THAP6: variants seen among roughly 807,000 people sequenced by gnomAD.
THAP6 encodes THAP domain containing 6.
In THAP6, 13 loss-of-function variants were observed where a neutral mutation model predicts 20.0. The ratio of observed to expected loss-of-function variants is 0.65; its 90% CI spans 0.42 to 1.03. THAP6 has a LOEUF of 1.03. THAP6 is among the 50% of genes least tolerant of loss of function. The pLI is 0.00. For missense variants in THAP6, 262 were observed against 261.6 expected (o/e 1.00, Z -0.01); for synonymous variants, 93 against 92.2 (o/e 1.01, Z -0.05).
In THAP6 at chr4:75,529,787, A is replaced by G. The variant is rs1279579890; in HGVS notation, c.*2573A>G. ...AATACAACAGTTCAACCTCAGCACC[A>G]AGTCAGGTACGAAGCGCTTGATACG... is the stretch of plus-strand genomic sequence containing the variant. On this transcript the variant is annotated 3_prime_UTR_variant, in exon 5 of 5. Transcript: ENST00000311638. 1 of 985,290 alleles carries G rather than the reference A, an allele frequency of 1.0e-6. No individual in the cohort carries two copies. The highest frequency in any genetic ancestry group is 1.2e-6 in the Non-Finnish European group (1 of 829,942). 61.0% of individuals were successfully genotyped at this position (985,290 alleles called of 1,614,324 possible). A position where few individuals can be genotyped will look rare whatever the true frequency, so the allele number is the denominator to read the frequency against.
downstream of THAP6, among the ~76,000 whole-genome samples, chr4:75,530,805 A>G (rs1726657165): frequency 6.6e-6 from 1 of 152,226 alleles, no homozygotes; most frequent in African/African-American, 2.4e-5. Flanking sequence ...CATCATGCAT[A>G]GCAGCTGTAA....
At chr4:75,515,568 C>T (rs1725531771) in intron 2 of THAP6, 36 bp downstream of exon 2, 6 of 1,596,336 alleles carry the variant, frequency 3.8e-6, no homozygotes, top group Non-Finnish European at 4.3e-6. Flanking sequence ...AATACTTTGG[C>T]CATGTTATAA....
chr4:75,533,263 C>G (rs140202197), downstream of THAP6, among the ~76,000 whole-genome samples: 5,525 of 152,252 alleles, frequency 0.036, 352 homozygotes, highest in African/African-American at 0.13. Flanking sequence ...CTGCCAGTTT[C>G]TTTACTAAAA....
chr4:75,526,400 C>T (rs1726370438), intron 4 of THAP6, among the ~76,000 whole-genome samples: 1 of 151,772 alleles, frequency 6.6e-6, no homozygotes, highest in South Asian at 2.1e-4. Flanking sequence ...TGTTATTTTC[C>T]CTATTCTCAA....
rs1726445342 is a variant in THAP6, at chr4:75,527,330, A to G, written c.*116A>G. 6.7e-7 allele frequency: 1 copy of G among 1,502,524 alleles called. No homozygotes were observed. Among genetic ancestry groups the G allele is most frequent in the Non-Finnish European group, 8.9e-7 (1 of 1,128,350 alleles). The allele number at this position is 1,502,524 out of a possible 1,614,324, so 93.1% of individuals were successfully genotyped here. Reference sequence around the variant, plus strand: ...TAAAGTGCTGCTTTGGATTCTCTGGAGCATTATGCATTATAGTTGTTATCC... The same window carrying G: ...TAAAGTGCTGCTTTGGATTCTCTGGGGCATTATGCATTATAGTTGTTATCC... On this transcript the variant is annotated 3_prime_UTR_variant, in exon 5 of 5. Transcript: ENST00000311638.
At chr4:75,530,676 G>T (rs766041089), downstream of THAP6, among the ~76,000 whole-genome samples, 6 of 152,160 alleles carry the variant, frequency 3.9e-5, no homozygotes, top group East Asian at 1.9e-4. Context: ...GTATACTGTG[G>T]TTTTTTCCAT....
intron 4 of THAP6, 190 bp downstream of exon 4, chr4:75,522,051 G>T: frequency 1.7e-6 from 1 of 601,482 alleles, no homozygotes. Context: ...TTAATCCTTT[G>T]GTTACATATG....
intron 2 of THAP6, among the ~76,000 whole-genome samples, chr4:75,537,555 C>G (rs980816358): frequency 6.6e-6 from 1 of 152,084 alleles, no homozygotes; most frequent in Admixed American, 6.6e-5. Flanking sequence ...AGGCCTCCCC[C>G]GCCACGTGGA....
At position 75,529,919 on chromosome 4, in the gene THAP6, T is replaced by C. The variant is rs1257542343; in HGVS notation, c.*2705T>C. On this transcript the variant is annotated 3_prime_UTR_variant, in exon 5 of 5. Transcript: ENST00000311638. ...GTAATTTGAGAAAAGGTGAAATGTA[T>C]TTAATATATATTTAGTTTTAATAAA... 1 of 899,956 alleles carries C rather than the reference T, an allele frequency of 1.1e-6. No homozygotes were observed. The highest frequency in any genetic ancestry group is 1.3e-6 in the Non-Finnish European group (1 of 752,286). The allele number at this position is 899,956 out of a possible 1,614,324, so 55.7% of individuals were successfully genotyped here.
rs115254711 is a variant in THAP6, at chr4:75,546,779, G to T, written c.244-2826G>T. Among the ~76,000 whole-genome samples the T allele has an allele frequency of 9.9e-3, 1,506 of 152,230 alleles. 22 individuals are homozygous for T. The highest frequency in any genetic ancestry group is 0.035 in the African/African-American group (1,451 of 41,526). ...TCTTACTCAGGGAAGCTCAGTCTTT[G>T]ATTCCATTCCAGCCTTCAGTTGATC... is the stretch of plus-strand genomic sequence containing the variant. On this transcript the variant is annotated intron_variant, in intron 3 of 4. Coordinates refer to the THAP6 transcript ENST00000502620.
rs769541903 is a variant in THAP6, at chr4:75,521,789, A to G, written c.342A>G (p.Pro114=). 25 of 1,613,390 alleles carry G rather than the reference A, an allele frequency of 1.5e-5. No homozygotes were observed. Among genetic ancestry groups the G allele is most frequent in the Non-Finnish European group, 2.0e-5 (24 of 1,179,612 alleles). The change falls in exon 4 of 5, where the codon CCA becomes CCG. Residue 114 remains proline (P), a synonymous_variant. Transcript: ENST00000311638. ...CRKNFTLKTV[P]ATNYNHHLVG... The stretch of plus-strand genomic sequence containing the variant: ...AAAACTTCACCCTCAAAACCGTTCC[A>G]GCCACTAACTACAATCACCATCTTG...
chr4:75,517,016 CTTT>C (rs34218401), intron 3 of THAP6, 37 bp downstream of exon 3: 8,237 of 887,102 alleles, frequency 9.3e-3, no homozygotes, highest in South Asian at 0.012. Flanking sequence ...TCATTGCTCA[CTTT>C]TTTTTTTTTT....
At chr4:75,530,309 C>T (rs1255041191), downstream of THAP6, among the ~76,000 whole-genome samples, 2 of 152,130 alleles carry the variant, frequency 1.3e-5, no homozygotes, top group African/African-American at 4.8e-5. Context: ...GCCTTTAGAA[C>T]CCAAAGAGGC....
At position 75,516,768 on chromosome 4, in the gene THAP6, C is replaced by T. The variant is rs1425062051; in HGVS notation, c.81-4C>T. On this transcript the variant is annotated splice_polypyrimidine_tract_variant and splice_region_variant and intron_variant, in intron 2 of 4. Coordinates refer to ENST00000311638, the MANE Select transcript of THAP6 (RefSeq NM_144721.6). ...TTAAAATATTTTTTGTATTTTTTTT[C>T]TAGATTCCCCACAGATGAAAACATC... is the stretch of plus-strand genomic sequence containing the variant. 5 of 1,599,798 alleles carry T rather than the reference C, an allele frequency of 3.1e-6. No individual in the cohort carries two copies. Among genetic ancestry groups the T allele is most frequent in the Middle Eastern group, 1.7e-4 (1 of 5,966 alleles).
At chr4:75,544,288 A>C (rs1309351172) in intron 3 of THAP6, 4 of 152,156 alleles carry the variant, frequency 2.6e-5, no homozygotes, top group Non-Finnish European at 5.9e-5. Flanking sequence ...TATCTCTAAA[A>C]GATAAGGACT....
At position 75,528,169 on chromosome 4, in the gene THAP6, A is replaced by C; in HGVS notation, c.*955A>C. 1 of 985,148 alleles carries C rather than the reference A, an allele frequency of 1.0e-6. No homozygotes were observed. Among genetic ancestry groups the C allele is most frequent in the Non-Finnish European group, 1.2e-6 (1 of 829,658 alleles). 61.0% of individuals were successfully genotyped at this position (985,148 alleles called of 1,614,324 possible). ...TGGAGAGAAAGGATTAGAATATTTTAATTAGGGGAGTAGATTATTGTCCAA... is the reference window on the plus strand; with the variant it reads ...TGGAGAGAAAGGATTAGAATATTTTCATTAGGGGAGTAGATTATTGTCCAA... On this transcript the variant is annotated 3_prime_UTR_variant, in exon 5 of 5. Transcript: ENST00000311638.
intron 2 of THAP6, chr4:75,542,279 C>T: frequency 1.7e-6 from 1 of 586,546 alleles, no homozygotes; most frequent in South Asian, 2.1e-5. Flanking sequence ...AGCTTTCCAA[C>T]TGACCCAATA....
In THAP6 at chr4:75,521,769, T is replaced by C. The variant is rs1405006310; in HGVS notation, c.322T>C (p.Phe108Leu). 6.2e-7 allele frequency: 1 copy of C among 1,612,904 alleles called. No homozygotes were observed. Among genetic ancestry groups the C allele is most frequent in the Admixed American group, 1.7e-5 (1 of 59,962 alleles). The change falls in exon 4 of 5, where the codon TTC becomes CTC. Residue 108 changes from phenylalanine to leucine, a missense_variant. Physicochemically the swap from Phe to Leu is conservative, Grantham distance 22. Coordinates refer to ENST00000311638, the MANE Select transcript of THAP6 (RefSeq NM_144721.6). ...AGAAAAACTTCATTGTAGAAAAAAC[T>C]TCACCCTCAAAACCGTTCCAGCCAC... The part of the protein sequence containing the change: ...KREKLHCRKN[F>L]TLKTVPATNY...
intron 4 of THAP6, among the ~76,000 whole-genome samples, 174 bp from the exon 5 acceptor site, chr4:75,526,786 G>A (rs1261360276): frequency 6.6e-6 from 1 of 152,150 alleles, no homozygotes; most frequent in African/African-American, 2.4e-5. Flanking sequence ...GATGCCCTTA[G>A]CACCCTAAAT....
Sources: allele counts gnomAD v4.1 joint callset (sites outside exome capture counted in the v4.1 genomes callset), GRCh38; gene constraint gnomAD v4.1.1; transcripts MANE v1.5; gene names NCBI Gene and HGNC (gene_info 2026-07-23, HGNC 2026-07-21).